The following INSYN2A variants were observed in gnomAD, a reference collection of about 807,000 sequenced individuals.
INSYN2A encodes the protein inhibitory synaptic factor 2A.
A neutral mutation model predicts 39.4 loss-of-function variants in INSYN2A; 17 were observed. The ratio of observed to expected loss-of-function variants is 0.43; its 90% CI spans 0.30 to 0.65. INSYN2A has a LOEUF of 0.65. INSYN2A is among the 30% of genes least tolerant of loss of function. The pLI is 0.14. For synonymous variants in INSYN2A, 255 were observed against 265.7 expected (o/e 0.96, Z 0.39); for missense variants, 595 against 631.2 (o/e 0.94, Z 0.61).
At chr10:127,172,887 A>G (rs1431385833) in intron 4 of INSYN2A, among the ~76,000 whole-genome samples, 1 of 152,182 alleles carries the variant, frequency 6.6e-6, no homozygotes. Flanking sequence ...CCGTAGCTGC[A>G]CTGTCTTATG....
At chr10:127,141,963 T>A (rs2051303104) in intron 5 of INSYN2A, among the ~76,000 whole-genome samples, 1 of 152,232 alleles carries the variant, frequency 6.6e-6, no homozygotes, top group African/African-American at 2.4e-5. Context: ...CACGGTCCCC[T>A]CCTTTCCGTC....
chr10:127,193,151 A>T (rs2056868853), intron 1 of INSYN2A, among the ~76,000 whole-genome samples: 1 of 152,172 alleles, frequency 6.6e-6, no homozygotes, highest in Admixed American at 6.5e-5. Flanking sequence ...CATGCCAGCT[A>T]ATTTCTGGTT....
rs1226664635 is a variant in INSYN2A at position 127,158,340 on chromosome 10, C to G, written c.1185-4417G>C. On this transcript the variant is annotated intron_variant, in intron 4 of 5. Transcript: ENST00000522781. ...CTCCAGTGACAGTAGGGCTGGAGATCTTTTGTAGATTAGAAGTTTAGAGAG... is the reference window on the plus strand; with the variant it reads ...CTCCAGTGACAGTAGGGCTGGAGATGTTTTGTAGATTAGAAGTTTAGAGAG... Among the ~76,000 whole-genome samples the G allele has an allele frequency of 3.3e-5, 5 of 152,276 alleles. No individual in the cohort carries two copies. In the East Asian group the frequency reaches 9.6e-4, roughly 29 times the overall value.
At chr10:127,185,668 T>C (rs997183789) in intron 2 of INSYN2A, among the ~76,000 whole-genome samples, 6 of 151,908 alleles carry the variant, frequency 3.9e-5, no homozygotes, top group African/African-American at 4.8e-5. Context: ...GAAACATGAG[T>C]AGGAATTAGA....
intron 5 of INSYN2A, among the ~76,000 whole-genome samples, chr10:127,149,482 AC>A (rs2052265114): frequency 6.6e-6 from 1 of 152,186 alleles, no homozygotes; most frequent in Admixed American, 6.5e-5. Context: ...TGGCAAAGGT[AC>A]CCATTTATTA....
intron 5 of INSYN2A, among the ~76,000 whole-genome samples, chr10:127,144,433 T>TG (rs1159538595): frequency 1.3e-5 from 2 of 152,226 alleles, no homozygotes; most frequent in Non-Finnish European, 2.9e-5. Context: ...CATTGAAGGA[T>TG]GGACCATGTT....
rs1341774710 is a variant in INSYN2A at position 127,196,453 on chromosome 10, G to A, written c.-851C>T. ...GGCCAGGAGGCGGGGGCGGGGCAGAGGAGGGAGCAGGAGGGAAGTCCTTTC... is the reference window on the plus strand; with the variant it reads ...GGCCAGGAGGCGGGGGCGGGGCAGAAGAGGGAGCAGGAGGGAAGTCCTTTC... On this transcript the variant is annotated 5_prime_UTR_variant, in exon 1 of 6. Transcript: ENST00000522781. 6.7e-6 allele frequency among the ~76,000 whole-genome samples: 1 copy of A among 148,584 alleles called. No individual in the cohort carries two copies. The highest frequency in any genetic ancestry group is 1.5e-5 in the Non-Finnish European group (1 of 66,746).
At chr10:127,178,984 G>T (rs2055455430) in intron 2 of INSYN2A, among the ~76,000 whole-genome samples, 1 of 152,150 alleles carries the variant, frequency 6.6e-6, no homozygotes, top group South Asian at 2.1e-4. Context: ...AACTGCCTTT[G>T]TTGTCCAGGT....
At chr10:127,173,880 A>G (rs947399700) in intron 4 of INSYN2A, among the ~76,000 whole-genome samples, 4 of 152,156 alleles carry the variant, frequency 2.6e-5, no homozygotes, top group African/African-American at 9.7e-5. Flanking sequence ...TACTGTTAAG[A>G]TTTTTGTACA....
At chr10:127,148,478 T>C (rs2052141693) in intron 5 of INSYN2A, among the ~76,000 whole-genome samples, 1 of 152,220 alleles carries the variant, frequency 6.6e-6, no homozygotes, top group African/African-American at 2.4e-5. Flanking sequence ...CATGTTATTT[T>C]CATGAAAATG....
chr10:127,145,754 T>C (rs1306962652), intron 5 of INSYN2A, among the ~76,000 whole-genome samples: 3 of 152,180 alleles, frequency 2.0e-5, no homozygotes, highest in Admixed American at 2.0e-4. Flanking sequence ...CCCTGGTTTC[T>C]AGATGTGGTC....
rs150007430 is a variant in INSYN2A at position 127,175,942 on chromosome 10, C to G, written c.454G>C (p.Glu152Gln). The G allele has an allele frequency of 4.2e-5, 67 of 1,614,082 alleles. No homozygotes were observed. The highest frequency in any genetic ancestry group is 5.5e-5 in the Non-Finnish European group (65 of 1,180,054). ...GFLTDAKEKNEAGPMEEARPC... is the reference protein window; with the variant it reads ...GFLTDAKEKNQAGPMEEARPC... ...CGGGCCTCCTCCATGGGTCCAGCCT[C>G]GTTCTTCTCTTTCGCATCTGTTAGA... Residue 152 changes from glutamate to glutamine, a missense_variant, in exon 4 of 6, where the codon GAG becomes CAG. Transcript: ENST00000522781. This position sits in a 1 kb window ranked among gnomAD's most constrained non-coding sequence, Gnocchi z 6.3.
chr10:127,162,739 C>T (rs903089431), intron 4 of INSYN2A, among the ~76,000 whole-genome samples: 2 of 152,146 alleles, frequency 1.3e-5, no homozygotes, highest in African/African-American at 4.8e-5. Context: ...GACTTTGCTA[C>T]AAAGGAGCCG....
chr10:127,181,896 T>C (rs980210817), intron 2 of INSYN2A, among the ~76,000 whole-genome samples: 8 of 152,218 alleles, frequency 5.3e-5, no homozygotes, highest in African/African-American at 1.7e-4. Flanking sequence ...CCAGCTGCCA[T>C]AGATGGTGGA....
intron 4 of INSYN2A, among the ~76,000 whole-genome samples, chr10:127,158,988 C>T (rs983758131): frequency 2.0e-5 from 3 of 152,158 alleles, no homozygotes; most frequent in African/African-American, 7.2e-5. Context: ...GGACCCTGGA[C>T]CTCTCCTTGC....
In INSYN2A at chr10:127,162,615, C is replaced by A. The variant is rs566354098; in HGVS notation, c.1185-8692G>T. Among the ~76,000 whole-genome samples the A allele has an allele frequency of 4.6e-4, 70 of 152,318 alleles. No individual in the cohort carries two copies. In the South Asian group the frequency reaches 0.014, roughly 30 times the overall value. On this transcript the variant is annotated intron_variant, in intron 4 of 5. Coordinates refer to ENST00000522781, the MANE Select transcript of INSYN2A (RefSeq NM_001039762.3). ...CTAAAGCCAGGAATCGAGATTTAAACCCTGGAAGGATCACCTGTACATGTA... is the reference window on the plus strand; with the variant it reads ...CTAAAGCCAGGAATCGAGATTTAAAACCTGGAAGGATCACCTGTACATGTA...
At chr10:127,149,211 C>T (rs1407669524) in intron 5 of INSYN2A, among the ~76,000 whole-genome samples, 1 of 152,136 alleles carries the variant, frequency 6.6e-6, no homozygotes, top group Non-Finnish European at 1.5e-5. Context: ...CCTTGATGAT[C>T]CCTTAGTGCA....
At position 127,176,357 on chromosome 10, in the gene INSYN2A, C is replaced by T. The variant is rs2489386; in HGVS notation, c.39G>A (p.Thr13=). 0.58 allele frequency: 928,737 copies of T among 1,612,680 alleles called. 272,381 individuals are homozygous for T. The highest frequency in any genetic ancestry group is 0.76 in the East Asian group (34,047 of 44,840). Reference sequence around the variant, plus strand: ...CGGCGGGTTCCACTTCACTCTCCGACGTTGTGAGTATGCATTTGCCGGTGT... The same window carrying T: ...CGGCGGGTTCCACTTCACTCTCCGATGTTGTGAGTATGCATTTGCCGGTGT... ...SKDTGKCILT[T]SESEVEPAAC... is the part of the protein sequence containing the mutation. Residue 13 remains threonine (T), a synonymous_variant, in exon 4 of 6, where the codon ACG becomes ACA. Coordinates refer to ENST00000522781, the MANE Select transcript of INSYN2A (RefSeq NM_001039762.3). This position sits in a 1 kb window ranked among gnomAD's most constrained non-coding sequence, Gnocchi z 4.4.
rs1434205896 is a variant in INSYN2A, at chr10:127,191,572, T to A, written c.-269+1033A>T. Among the ~76,000 whole-genome samples the A allele has an allele frequency of 5.9e-5, 9 of 152,204 alleles. No individual in the cohort carries two copies. In the South Asian group the frequency reaches 1.9e-3, roughly 32 times the overall value. ...CTAAAATGTAACCACTAAGTACACA[T>A]AGAAAAGATTTTTAAAAACATGAAG... On this transcript the variant is annotated intron_variant, in intron 2 of 5. Transcript: ENST00000522781.
Sources: gnomAD v4.1 joint callset for allele counts (sites outside exome capture counted in the v4.1 genomes callset) on GRCh38, gnomAD v4.1.1 for gene constraint, Gnocchi (gnomAD v3.1) non-coding constraint, MANE v1.5 for transcripts, NCBI Gene and HGNC (gene_info 2026-07-23, HGNC 2026-07-21) for gene names.